The following JCAD variants were observed in gnomAD, a reference collection of about 807,000 sequenced individuals.
JCAD encodes junctional cadherin 5-associated protein.
In JCAD, 40 loss-of-function variants were observed where a neutral mutation model predicts 98.0. The observed-to-expected ratio is 0.41, with a 90% CI of 0.32 to 0.53. JCAD has a LOEUF of 0.53. Ranked by LOEUF, JCAD falls within the 20% of genes least tolerant of loss-of-function variation. JCAD has a pLI of 0.31. For synonymous variants in JCAD, 691 were observed against 682.3 expected, an observed-to-expected ratio of 1.01 and a Z score of -0.20; for missense variants, 1,705 against 1,738.1, an observed-to-expected ratio of 0.98 and a Z score of 0.34.
chr10:30,076,868 G>A (rs1252865341), intron 1 of JCAD, among the ~76,000 whole-genome samples: 1 of 152,028 alleles, frequency 6.6e-6, no homozygotes, highest in Non-Finnish European at 1.5e-5. Context: ...AAGCTTGTGC[G>A]AACCAGCTAG....
rs1481004138 is a variant in JCAD at position 30,028,343 on chromosome 10, T to C, written c.1805A>G (p.Asp602Gly). 6 of 1,614,216 alleles carry C rather than the reference T, an allele frequency of 3.7e-6. No individual in the cohort carries two copies. The highest frequency in any genetic ancestry group is 1.7e-5 in the Admixed American group (1 of 60,030). Residue 602 changes from aspartate (D) to glycine (G), a missense_variant, in exon 3 of 4, where the codon GAC (aspartate) becomes GGC (glycine). Asp to Gly is a moderately conservative substitution (Grantham distance 94, BLOSUM62 -1). Transcript: ENST00000375377. Reference protein sequence around the residue: ...HLPDRDMDNNDLKPSADQKNG... With the variant: ...HLPDRDMDNNGLKPSADQKNG... ...CTTTTGATCAGCACTGGGCTTTAAGTCATTGTTGTCCATATCTCTATCTGG... is the reference window on the plus strand; with the variant it reads ...CTTTTGATCAGCACTGGGCTTTAAGCCATTGTTGTCCATATCTCTATCTGG...
At chr10:30,048,200 A>G (rs1313091203) in intron 1 of JCAD, among the ~76,000 whole-genome samples, 1 of 152,138 alleles carries the variant, frequency 6.6e-6, no homozygotes, top group Non-Finnish European at 1.5e-5. Context: ...TGTCCCACTC[A>G]CCTACAAACA....
At chr10:30,076,431 G>C (rs1357154640) in intron 1 of JCAD, among the ~76,000 whole-genome samples, 1 of 152,158 alleles carries the variant, frequency 6.6e-6, no homozygotes, top group Non-Finnish European at 1.5e-5. Context: ...ACAGGTGTTT[G>C]CTGAGTGTAG....
chr10:30,073,419 G>A (rs190314817), intron 1 of JCAD, among the ~76,000 whole-genome samples: 1 of 152,324 alleles, frequency 6.6e-6, no homozygotes, highest in African/African-American at 2.4e-5. Context: ...GAATGAATGA[G>A]AGAAATGCAA....
chr10:30,104,210 C>G (rs1033450323), intron 1 of JCAD, among the ~76,000 whole-genome samples: 2 of 152,130 alleles, frequency 1.3e-5, no homozygotes, highest in Non-Finnish European at 2.9e-5. Flanking sequence ...GAGAGTGAAG[C>G]AATTTCACAA....
upstream of JCAD, among the ~76,000 whole-genome samples, chr10:30,063,908 G>A (rs963837136): frequency 6.6e-6 from 1 of 151,924 alleles, no homozygotes; most frequent in African/African-American, 2.4e-5. Flanking sequence ...CAGGGTTCAT[G>A]CAATTCTCCT....
chr10:30,076,696 T>C (rs1245638581), intron 1 of JCAD, among the ~76,000 whole-genome samples: 2 of 152,150 alleles, frequency 1.3e-5, no homozygotes, highest in Non-Finnish European at 2.9e-5. Flanking sequence ...TAAGGACACA[T>C]GTGGGTATAT....
intron 1 of JCAD, among the ~76,000 whole-genome samples, chr10:30,097,052 A>G (rs1838380719): frequency 6.6e-6 from 1 of 152,186 alleles, no homozygotes; most frequent in East Asian, 1.9e-4. Flanking sequence ...CAACAGCATC[A>G]ATGACAATAA....
In JCAD at chr10:30,026,558, T is replaced by A. The variant is rs544381017; in HGVS notation, c.3590A>T (p.Glu1197Val). 24 of 1,614,170 alleles carry A rather than the reference T, an allele frequency of 1.5e-5. No individual in the cohort carries two copies. The South Asian group carries it at 2.5e-4, about 17-fold the overall frequency. The change falls in exon 3 of 4, where the codon GAG becomes GTG. Residue 1197 changes from glutamate (E) to valine (V), a missense_variant. Around this residue, in one of 3 missense-constraint regions of JCAD, gnomAD observed 1,278 missense variants for 1,243.1 expected, o/e 1.03. Coordinates refer to ENST00000375377, the MANE Select transcript of JCAD (RefSeq NM_020848.4). ...PVPEPEPSPLESKFFEQKDVE... is the reference protein window; with the variant it reads ...PVPEPEPSPLVSKFFEQKDVE... ...ATCCTTTTGTTCGAAGAACTTGGACTCCAAGGGGCTGGGCTCAGGCTCAGG... is the reference window on the plus strand; with the variant it reads ...ATCCTTTTGTTCGAAGAACTTGGACACCAAGGGGCTGGGCTCAGGCTCAGG...
At chr10:30,032,711 C>G (rs754246567) in intron 2 of JCAD, among the ~76,000 whole-genome samples, 4 of 151,752 alleles carry the variant, frequency 2.6e-5, no homozygotes, top group Non-Finnish European at 5.9e-5. Flanking sequence ...ATCTTCTCAC[C>G]TGTGTGTGTG....
chr10:30,091,219 T>C (rs1838257518), intron 1 of JCAD, among the ~76,000 whole-genome samples: 1 of 152,196 alleles, frequency 6.6e-6, no homozygotes, highest in African/African-American at 2.4e-5. Context: ...GACGAGATTC[T>C]AATAACATAA....
At position 30,038,529 on chromosome 10, in the gene JCAD, TA is replaced by T. The variant is rs532216406; in HGVS notation, c.282-8664del. Among the ~76,000 whole-genome samples the T allele has an allele frequency of 1.7e-4, 25 of 150,878 alleles. No homozygotes were observed. In the South Asian group the frequency reaches 4.8e-3, roughly 29 times the overall value. ...GGAGACCTAGTCTCCACAAAAAATTTAAAAAGAAAAATTAGCTAGATGTGGT... is the reference window on the plus strand; with the variant it reads ...GGAGACCTAGTCTCCACAAAAAATTTAAAAGAAAAATTAGCTAGATGTGGT... On this transcript the variant is annotated intron_variant, in intron 2 of 3. Transcript: ENST00000375377.
chr10:30,047,921 A>T, intron 1 of JCAD, 50 bp from the exon 2 acceptor site: 1 of 1,196,632 alleles, frequency 8.4e-7, no homozygotes, highest in Non-Finnish European at 1.2e-6. Context: ...CCTAGAGGTC[A>T]GTCTGACACC....
At chr10:30,049,501 T>C (rs1363967567) in intron 1 of JCAD, among the ~76,000 whole-genome samples, 1 of 152,152 alleles carries the variant, frequency 6.6e-6, no homozygotes, top group Admixed American at 6.5e-5. Context: ...ATGGAGAGTA[T>C]CAAACTTTGG....
Position 30,059,194 on chromosome 10 carries a change from G to C in JCAD, c.-60+288C>G, listed in dbSNP as rs1474110495. Among the ~76,000 whole-genome samples the C allele has an allele frequency of 1.3e-5, 2 of 151,360 alleles. No individual in the cohort carries two copies. The highest frequency in any genetic ancestry group is 6.6e-5 in the Admixed American group (1 of 15,204). ...GCCGCGGCCCGCGGTGCCCGCCCCG[G>C]GACCCCCGCGCTCCGAGCGGGGCAC... On this transcript the variant is annotated intron_variant, in intron 1 of 3. Transcript: ENST00000375377. The surrounding 1 kb of genome is among the most constrained non-coding windows in gnomAD (Gnocchi z 5.0).
chr10:30,054,916 G>A (rs1443621619), intron 1 of JCAD, among the ~76,000 whole-genome samples: 1 of 152,090 alleles, frequency 6.6e-6, no homozygotes, highest in Non-Finnish European at 1.5e-5. Flanking sequence ...TGATCCGCCC[G>A]CCTCGGCCTC....
In JCAD at chr10:30,016,452, G is replaced by A. The variant is rs1187507830; in HGVS notation, c.*1431C>T. The stretch of plus-strand genomic sequence containing the variant: ...TGATTTAGGGAATGTTAGTTGTCAG[G>A]AATACCTTACTTAGAAAGAAGGAAA... On this transcript the variant is annotated 3_prime_UTR_variant, in exon 4 of 4. Transcript: ENST00000375377. The A allele has an allele frequency of 6.6e-6, 1 of 151,890 alleles. No homozygotes were observed. The highest frequency in any genetic ancestry group is 1.5e-5 in the Non-Finnish European group (1 of 67,962). 9.4% of individuals were successfully genotyped at this position (151,890 alleles called of 1,614,324 possible).
At chr10:30,018,289 TCTTC>T (rs1372606185) in intron 3 of JCAD, among the ~76,000 whole-genome samples, 8 of 123,774 alleles carry the variant, frequency 6.5e-5, no homozygotes, top group African/African-American at 2.9e-4. Flanking sequence ...TTCTTCTTCT[TCTTC>T]TTCTTTTTTT....
intron 1 of JCAD, among the ~76,000 whole-genome samples, chr10:30,112,911 C>A (rs931199144): frequency 6.7e-6 from 1 of 150,212 alleles, no homozygotes; most frequent in Non-Finnish European, 1.5e-5. Flanking sequence ...TGAAATGCAG[C>A]TCAGGGGTTC....
Sources: gnomAD v4.1 joint callset for allele counts (sites outside exome capture counted in the v4.1 genomes callset) on GRCh38, gnomAD v4.1.1 for gene constraint, gnomAD v4.1.1 regional missense constraint, Gnocchi (gnomAD v3.1) non-coding constraint, MANE v1.5 for transcripts, NCBI Gene and HGNC (gene_info 2026-07-23, HGNC 2026-07-21) for gene names.